The following TMOD2 variants were observed in gnomAD, a reference collection of about 807,000 sequenced individuals.
TMOD2 encodes tropomodulin 2, also known as tropomodulin-2.
In TMOD2, 22 loss-of-function variants were observed where a neutral mutation model predicts 39.9. The observed-to-expected ratio is 0.55, with a 90% CI of 0.39 to 0.79. TMOD2 has a LOEUF of 0.79. TMOD2 is among the 30% of genes least tolerant of loss of function. The pLI is 0.00. For synonymous variants in TMOD2, 123 were observed against 146.1 expected, an observed-to-expected ratio of 0.84 and a Z score of 1.14; for missense variants, 386 against 413.3, an observed-to-expected ratio of 0.93 and a Z score of 0.57.
chr15:51,791,073 T>C (rs964704251), intron 7 of TMOD2, among the ~76,000 whole-genome samples: 10 of 152,180 alleles, frequency 6.6e-5, no homozygotes, highest in African/African-American at 2.4e-4. Flanking sequence ...TTGTCTCTGT[T>C]TGCAGATAAC....
intron 7 of TMOD2, among the ~76,000 whole-genome samples, chr15:51,797,721 G>C (rs890530527): frequency 4.0e-5 from 6 of 151,832 alleles, no homozygotes; most frequent in African/African-American, 1.5e-4. Flanking sequence ...TAAAAATTCT[G>C]ATTTATACAT....
intron 6 of TMOD2, among the ~76,000 whole-genome samples, 168 bp from the exon 7 acceptor site, chr15:51,782,553 G>A (rs2055937946): frequency 6.6e-6 from 1 of 152,206 alleles, no homozygotes; most frequent in Admixed American, 6.5e-5. Flanking sequence ...AAGTGGTGCT[G>A]TTAGCTCAGG....
intron 7 of TMOD2, among the ~76,000 whole-genome samples, chr15:51,789,816 A>G (rs9672428): frequency 0.39 from 59,906 of 152,068 alleles, 11,961 homozygotes; most frequent in Middle Eastern, 0.45. Flanking sequence ...ACCAATGAGA[A>G]CAAAGACACA....
Position 51,813,298 on chromosome 15 carries a change from T to C in TMOD2, c.*4844T>C, listed in dbSNP as rs1595883015. ...AGACCAATGGAAGAGGAGTTGCAAGTTTAAATTTGTAACCTGACTCTGGGT... is the reference window on the plus strand; with the variant it reads ...AGACCAATGGAAGAGGAGTTGCAAGCTTAAATTTGTAACCTGACTCTGGGT... On this transcript the variant is annotated 3_prime_UTR_variant, in exon 10 of 10. Transcript: ENST00000249700. 1.3e-5 allele frequency: 2 copies of C among 152,312 alleles called. No individual in the cohort carries two copies. Among genetic ancestry groups the C allele is most frequent in the South Asian group, 4.1e-4 (2 of 4,822 alleles). 9.4% of individuals were successfully genotyped at this position (152,312 alleles called of 1,614,324 possible). A position where few individuals can be genotyped will look rare whatever the true frequency, so the allele number is the denominator to read the frequency against.
rs1357028784 is a variant in TMOD2, at chr15:51,792,989, G to A, written c.733-5208G>A. 3.9e-5 allele frequency among the ~76,000 whole-genome samples: 6 copies of A among 152,046 alleles called. No individual in the cohort carries two copies. In the South Asian group the frequency reaches 6.2e-4, roughly 16 times the overall value. On this transcript the variant is annotated intron_variant, in intron 7 of 9. Transcript: ENST00000249700. ...TAACACAACTGCGCATTCTGCACAT[G>A]TAACCCAGAACTTAAAGTATAAAAA...
intron 1 of TMOD2, among the ~76,000 whole-genome samples, chr15:51,765,449 T>G (rs1293598710): frequency 6.6e-6 from 1 of 152,268 alleles, no homozygotes; most frequent in Non-Finnish European, 1.5e-5. Context: ...GCTAGAACTA[T>G]GCCTGGCAAA....
intron 8 of TMOD2, among the ~76,000 whole-genome samples, chr15:51,806,169 A>G (rs1313622296): frequency 1.3e-5 from 2 of 152,176 alleles, no homozygotes; most frequent in East Asian, 1.9e-4. Context: ...AAACTCAGCT[A>G]TCTGTCTGTT....
At chr15:51,762,380 G>A (rs1231093882) in intron 1 of TMOD2, among the ~76,000 whole-genome samples, 3 of 152,072 alleles carry the variant, frequency 2.0e-5, no homozygotes, top group South Asian at 2.1e-4. Flanking sequence ...AATCGCTTGA[G>A]CCCAAGAGGT....
rs1441849056 is a variant in TMOD2 at position 51,790,839 on chromosome 15, T to C, written c.733-7358T>C. 3.3e-5 allele frequency among the ~76,000 whole-genome samples: 5 copies of C among 152,330 alleles called. No homozygotes were observed. In the East Asian group the frequency reaches 9.6e-4, roughly 29 times the overall value. On this transcript the variant is annotated intron_variant, in intron 7 of 9. Coordinates refer to ENST00000249700, the MANE Select transcript of TMOD2 (RefSeq NM_014548.4). ...CTAAAAACTCTCAATCAACTAGGTATTGACGGAACGTATCTCAACATAATA... is the reference window on the plus strand; with the variant it reads ...CTAAAAACTCTCAATCAACTAGGTACTGACGGAACGTATCTCAACATAATA...
chr15:51,782,615 G>T (rs1283194150), intron 6 of TMOD2, 106 bp from the exon 7 acceptor site: 6 of 839,468 alleles, frequency 7.1e-6, no homozygotes, highest in Non-Finnish European at 1.2e-5. Context: ...AAGGGATATC[G>T]TGTATTTATC....
chr15:51,784,568 A>G (rs1239539326), intron 7 of TMOD2: 1 of 152,256 alleles, frequency 6.6e-6, no homozygotes, highest in East Asian at 1.9e-4. Flanking sequence ...AAGAGGAACC[A>G]GGCTACAAAA....
chr15:51,776,764 T>C (rs1434083424), intron 4 of TMOD2, among the ~76,000 whole-genome samples, 168 bp from the exon 5 acceptor site: 1 of 152,124 alleles, frequency 6.6e-6, no homozygotes, highest in East Asian at 1.9e-4. Flanking sequence ...AAAGGAGGTT[T>C]TTGTAAGTGT....
chr15:51,791,158 C>A (rs1308198326), intron 7 of TMOD2, among the ~76,000 whole-genome samples: 1 of 152,206 alleles, frequency 6.6e-6, no homozygotes, highest in Non-Finnish European at 1.5e-5. Flanking sequence ...TCAGCAAAGT[C>A]TCAGGATATA....
chr15:51,781,772 TAA>T (rs1175279624), intron 6 of TMOD2, among the ~76,000 whole-genome samples: 3 of 151,568 alleles, frequency 2.0e-5, no homozygotes, highest in South Asian at 2.1e-4. Flanking sequence ...AATTTGATAA[TAA>T]GTCATGCCAC....
In TMOD2 at chr15:51,808,712, G is replaced by T; in HGVS notation, c.*258G>T. On this transcript the variant is annotated 3_prime_UTR_variant, in exon 10 of 10. Coordinates refer to ENST00000249700, the MANE Select transcript of TMOD2 (RefSeq NM_014548.4). ...TGCAGATTTTAGAGAGTGACGACATGGAAAATGAATTTAACCACTTTCTTA... is the reference window on the plus strand; with the variant it reads ...TGCAGATTTTAGAGAGTGACGACATTGAAAATGAATTTAACCACTTTCTTA... 3.0e-6 allele frequency: 1 copy of T among 337,934 alleles called. No homozygotes were observed. The highest frequency in any genetic ancestry group is 8.5e-5 in the South Asian group (1 of 11,732). The allele number at this position is 337,934 out of a possible 1,614,324, so 20.9% of individuals were successfully genotyped here. A position where few individuals can be genotyped will look rare whatever the true frequency, so the allele number is the denominator to read the frequency against.
At chr15:51,764,689 T>C (rs2055804775) in intron 1 of TMOD2, among the ~76,000 whole-genome samples, 1 of 152,154 alleles carries the variant, frequency 6.6e-6, no homozygotes, top group African/African-American at 2.4e-5. Flanking sequence ...CCTTCCTCCA[T>C]GAATCCCCCT....
intron 7 of TMOD2, among the ~76,000 whole-genome samples, chr15:51,787,036 G>A (rs1461833210): frequency 6.6e-6 from 1 of 152,320 alleles, no homozygotes; most frequent in South Asian, 2.1e-4. Context: ...CACCTCACCC[G>A]GGAAGGGGTT....
intron 1 of TMOD2, among the ~76,000 whole-genome samples, chr15:51,765,112 T>C (rs796567470): frequency 1.2e-4 from 18 of 152,266 alleles, no homozygotes; most frequent in African/African-American, 4.3e-4. Flanking sequence ...GCAATTCTCC[T>C]GCCTCAGCCT....
chr15:51,769,145 T>A (rs939765392), intron 3 of TMOD2, among the ~76,000 whole-genome samples: 1 of 152,240 alleles, frequency 6.6e-6, no homozygotes, highest in Non-Finnish European at 1.5e-5. Context: ...GTAGGCTAAC[T>A]GCTTATGGTG....
Sources: allele counts gnomAD v4.1 joint callset (sites outside exome capture counted in the v4.1 genomes callset), GRCh38; gene constraint gnomAD v4.1.1; transcripts MANE v1.5; gene names NCBI Gene and HGNC (gene_info 2026-07-23, HGNC 2026-07-21).